MB: variants seen among roughly 807,000 people sequenced by gnomAD.
MB encodes the protein myoglobin.
Under a neutral mutation model 14.5 loss-of-function variants are expected in MB, and 10 were observed. That is an observed-to-expected ratio of 0.69 (90% CI 0.43 to 1.17). The LOEUF is 1.17. Ranked by LOEUF, MB falls within the 50% of genes most tolerant of loss-of-function variation. The pLI is 0.00. For synonymous variants in MB, 89 were observed against 78.6 expected, an observed-to-expected ratio of 1.13 and a Z score of -0.70; for missense variants, 169 against 192.7, an observed-to-expected ratio of 0.88 and a Z score of 0.73.
upstream of MB, among the ~76,000 whole-genome samples, chr22:35,619,300 G>A (rs1923314024): frequency 6.6e-6 from 1 of 152,214 alleles, no homozygotes; most frequent in South Asian, 2.1e-4. Context: ...TTACAAAGTG[G>A]CTGCTTGGCA....
rs1195757873 is a variant in MB, at chr22:35,607,244, C to T, written c.*53G>A. 1.8e-5 allele frequency: 28 copies of T among 1,572,206 alleles called. No individual in the cohort carries two copies. The highest frequency in any genetic ancestry group is 1.8e-4 in the Middle Eastern group (1 of 5,516). ...TATATGGCTACACGAGATCAGACCC[C>T]GCTCTCTCTTGAACCCGGGGCCCAG... On this transcript the variant is annotated 3_prime_UTR_variant, in exon 3 of 3. Coordinates refer to ENST00000397326, the MANE Select transcript of MB (RefSeq NM_005368.3).
chr22:35,610,983 C>T lies in MB; in HGVS notation c.219G>A (p.Leu73=), dbSNP rs774096374. Residue 73 remains leucine (L), a synonymous_variant, in exon 2 of 3, where the codon CTG becomes CTA. Coordinates refer to ENST00000397326, the MANE Select transcript of MB (RefSeq NM_005368.3). The part of the protein sequence containing the change: ...KKHGATVLTA[L]GGILKKKGHH... ...GCCCCTTCTTCTTAAGGATGCCACC[C>T]AGGGCGGTGAGCACGGTGGCACCAT... is the stretch of plus-strand genomic sequence containing the variant. The T allele has an allele frequency of 6.2e-7, 1 of 1,614,118 alleles. No homozygotes were observed. Among genetic ancestry groups the T allele is most frequent in the Non-Finnish European group, 8.5e-7 (1 of 1,179,970 alleles).
chr22:35,621,887 C>T (rs1486257080), upstream of MB: 1 of 152,264 alleles, frequency 6.6e-6, no homozygotes, highest in Non-Finnish European at 1.5e-5. Context: ...GCTCTGCCAT[C>T]TTCGGTCTCC....
rs373861596 is a variant in MB at position 35,607,260 on chromosome 22, C to T, written c.*37G>A. On this transcript the variant is annotated 3_prime_UTR_variant, in exon 3 of 3. Transcript: ENST00000397326. ...ATCAGACCCCGCTCTCTCTTGAACC[C>T]GGGGCCCAGATGGGTGGGGGTGGGA... The T allele has an allele frequency of 3.5e-5, 55 of 1,592,788 alleles. No homozygotes were observed. Among genetic ancestry groups the T allele is most frequent in the South Asian group, 7.8e-5 (7 of 89,736 alleles).
At position 35,607,055 on chromosome 22, in the gene MB, C is replaced by A; in HGVS notation, c.*242G>T. 2 of 447,382 alleles carry A rather than the reference C, an allele frequency of 4.5e-6. No homozygotes were observed. The highest frequency in any genetic ancestry group is 3.3e-5 in the East Asian group (1 of 30,346). The allele number at this position is 447,382 out of a possible 1,614,324, so 27.7% of individuals were successfully genotyped here. Reference sequence around the variant, plus strand: ...ACAATTAATTCAGATCCAAACCATGCAGAACACAGTGAGCCAAGGGCCACT... The same window carrying A: ...ACAATTAATTCAGATCCAAACCATGAAGAACACAGTGAGCCAAGGGCCACT... On this transcript the variant is annotated 3_prime_UTR_variant, in exon 3 of 3. Transcript: ENST00000397326.
chr22:35,609,081 G>A (rs45518431), intron 2 of MB, among the ~76,000 whole-genome samples: 4,518 of 152,288 alleles, frequency 0.03, 164 homozygotes, highest in South Asian at 0.15. Flanking sequence ...TTGGCTGCAT[G>A]GTTTTTTCTA....
intron 1 of MB, among the ~76,000 whole-genome samples, chr22:35,613,283 C>T (rs989982206): frequency 3.9e-5 from 6 of 152,254 alleles, no homozygotes; most frequent in Admixed American, 3.3e-4. Flanking sequence ...GGGCCTGCCC[C>T]TGCCCTCTGA....
upstream of MB, among the ~76,000 whole-genome samples, chr22:35,618,957 C>A (rs1006615339): frequency 1.3e-5 from 2 of 150,068 alleles, no homozygotes; most frequent in Non-Finnish European, 3.0e-5. Context: ...TCCACCCATT[C>A]CCTCATTCAT....
chr22:35,620,740 G>C (rs375438699), upstream of MB, among the ~76,000 whole-genome samples: 1 of 152,200 alleles, frequency 6.6e-6, no homozygotes, highest in Non-Finnish European at 1.5e-5. Flanking sequence ...GAGAGTGTCA[G>C]AACACCCCTG....
At chr22:35,609,329 G>A (rs1048467146) in intron 2 of MB, among the ~76,000 whole-genome samples, 27 of 152,182 alleles carry the variant, frequency 1.8e-4, no homozygotes, top group African/African-American at 6.5e-4. Context: ...TGAAAGCCTC[G>A]TGGGCCTGGG....
chr22:35,618,125 A>G (rs1385100008), upstream of MB, among the ~76,000 whole-genome samples: 5 of 152,146 alleles, frequency 3.3e-5, no homozygotes, highest in Admixed American at 6.5e-5. Context: ...TTGGTAACTC[A>G]TTTAATCCCC....
chr22:35,613,144 G>A (rs895321195), intron 1 of MB, among the ~76,000 whole-genome samples: 7 of 152,188 alleles, frequency 4.6e-5, no homozygotes, highest in East Asian at 1.9e-4. Flanking sequence ...TTGAACTCCC[G>A]CCTGACAGAT....
At chr22:35,613,355 G>A (rs1392002340) in intron 1 of MB, among the ~76,000 whole-genome samples, 3 of 152,210 alleles carry the variant, frequency 2.0e-5, no homozygotes, top group South Asian at 4.1e-4. Context: ...CCCAGTTCTG[G>A]CGCCAATGTG....
chr22:35,617,784 C>G, upstream of MB, among the ~76,000 whole-genome samples: 1 of 152,168 alleles, frequency 6.6e-6, no homozygotes, highest in Non-Finnish European at 1.5e-5. Flanking sequence ...TTGCCAGAGA[C>G]CCCTCACCCA....
rs1923152186 is a variant in MB, at chr22:35,617,318, C to T, written c.-61G>A. 1.4e-6 allele frequency: 2 copies of T among 1,401,516 alleles called. No individual in the cohort carries two copies. Among genetic ancestry groups the T allele is most frequent in the Admixed American group, 1.7e-5 (1 of 58,612 alleles). The allele number at this position is 1,401,516 out of a possible 1,614,324, so 86.8% of individuals were successfully genotyped here. On this transcript the variant is annotated 5_prime_UTR_variant, in exon 1 of 3. Coordinates refer to ENST00000397326, the MANE Select transcript of MB (RefSeq NM_005368.3). Reference sequence around the variant, plus strand: ...GGCTCACTGGGTGTCCTGGCCCCAACAGCTGGGGTTTGAGGCTGCCTGGTC... The same window carrying T: ...GGCTCACTGGGTGTCCTGGCCCCAATAGCTGGGGTTTGAGGCTGCCTGGTC...
intron 1 of MB, among the ~76,000 whole-genome samples, chr22:35,613,682 AG>A (rs1173806644): frequency 2.5e-5 from 2 of 78,652 alleles, no homozygotes; most frequent in African/African-American, 2.1e-4. Context: ...TTTTTTGTAG[AG>A]AAGGGGGGTC....
chr22:35,619,491 A>G (rs1269215410), upstream of MB, among the ~76,000 whole-genome samples: 1 of 152,116 alleles, frequency 6.6e-6, no homozygotes, highest in Non-Finnish European at 1.5e-5. Context: ...GCCCTGCCCC[A>G]ATCTTGCTGA....
chr22:35,608,796 C>T lies in MB; in HGVS notation c.319-1353G>A, dbSNP rs780373804. On this transcript the variant is annotated intron_variant, in intron 2 of 2. Coordinates refer to ENST00000397326, the MANE Select transcript of MB (RefSeq NM_005368.3). The surrounding 1 kb of genome is among the most constrained non-coding windows in gnomAD (Gnocchi z 4.3). ...TTCTGGAGTCCATGGCAGAGCCACTCATATCTAGAAAACAGTGGAACGGAG... is the reference window on the plus strand; with the variant it reads ...TTCTGGAGTCCATGGCAGAGCCACTTATATCTAGAAAACAGTGGAACGGAG... Among the ~76,000 whole-genome samples the T allele has an allele frequency of 2.6e-5, 4 of 152,300 alleles. No individual in the cohort carries two copies. The highest frequency in any genetic ancestry group is 1.3e-4 in the Admixed American group (2 of 15,298).
upstream of MB, among the ~76,000 whole-genome samples, chr22:35,621,025 T>A (rs1923428858): frequency 6.6e-6 from 1 of 152,264 alleles, no homozygotes; most frequent in South Asian, 2.1e-4. Context: ...TACTCACACA[T>A]CTCTACAACA....
Sources: allele counts gnomAD v4.1 joint callset (sites outside exome capture counted in the v4.1 genomes callset), GRCh38; gene constraint gnomAD v4.1.1; non-coding constraint Gnocchi (gnomAD v3.1); transcripts MANE v1.5; gene names NCBI Gene and HGNC (gene_info 2026-07-23, HGNC 2026-07-21).